Variants in SV2C observed in about 807,000 individuals in gnomAD.
The protein encoded by SV2C is solute carrier family 22 member B3.
Under a neutral mutation model 79.7 loss-of-function variants are expected in SV2C, and 49 were observed. The ratio of observed to expected loss-of-function variants is 0.61; its 90% CI spans 0.49 to 0.78. The LOEUF is 0.78. Among genes scored for constraint, SV2C ranks in the 30% least tolerant of loss-of-function variants. SV2C has a pLI of 0.00. For missense variants in SV2C, 833 were observed against 912.9 expected, an observed-to-expected ratio of 0.91 and a Z score of 1.13; for synonymous variants, 334 against 333.2, an observed-to-expected ratio of 1.00 and a Z score of -0.03.
At chr5:75,870,768 A>C in the SV2C span, among the ~76,000 whole-genome samples, 2 of 151,492 alleles carry the variant, frequency 1.3e-5, no homozygotes, top group Non-Finnish European at 3.0e-5. Context: ...AAAAGCATAA[A>C]GAGAACGGAA....
chr5:76,121,365 T>G (rs943126019), intron 1 of SV2C, among the ~76,000 whole-genome samples: 26 of 151,938 alleles, frequency 1.7e-4, no homozygotes, highest in South Asian at 4.2e-4. Flanking sequence ...AGAAGCTCTT[T>G]AGTTTAATTA....
the SV2C span, among the ~76,000 whole-genome samples, chr5:75,879,626 G>C: frequency 6.6e-6 from 1 of 152,210 alleles, no homozygotes; most frequent in Non-Finnish European, 1.5e-5. Context: ...CCAATCACAT[G>C]TCTGCTCTCA....
At chr5:76,343,145 AT>A (rs561561819) in intron 12 of SV2C, among the ~76,000 whole-genome samples, 10 of 152,188 alleles carry the variant, frequency 6.6e-5, no homozygotes, top group Non-Finnish European at 1.5e-4. Context: ...TCAGGAAGAC[AT>A]TCTCCTCACC....
At chr5:76,016,885 C>T in the SV2C span, among the ~76,000 whole-genome samples, 3 of 152,204 alleles carry the variant, frequency 2.0e-5, no homozygotes, top group South Asian at 4.1e-4. Context: ...AATCTCCTTT[C>T]CTTGCTCAGC....
intron 1 of SV2C, chr5:76,083,871 T>TGTG (rs1241051544): frequency 2.0e-5 from 3 of 152,318 alleles, no homozygotes; most frequent in Admixed American, 6.5e-5. Context: ...TTTTTGCTTG[T>TGTG]GTGGTTTGAC....
chr5:76,205,719 G>C (rs1276668785), intron 3 of SV2C, among the ~76,000 whole-genome samples: 1 of 152,150 alleles, frequency 6.6e-6, no homozygotes. Flanking sequence ...TTATATTATG[G>C]ACTTTTATAT....
intron 1 of SV2C, among the ~76,000 whole-genome samples, chr5:76,095,222 C>T (rs970899847): frequency 1.8e-4 from 28 of 152,142 alleles, no homozygotes; most frequent in Non-Finnish European, 3.7e-4. Flanking sequence ...TTCCCAGTTA[C>T]TCCACCCTCA....
At chr5:76,055,873 C>T in the SV2C span, among the ~76,000 whole-genome samples, 4 of 152,104 alleles carry the variant, frequency 2.6e-5, no homozygotes, top group Non-Finnish European at 2.9e-5. Flanking sequence ...GCTGAAGTTG[C>T]TTATCAGCTT....
At chr5:76,247,142 A>G (rs887096527) in intron 4 of SV2C, among the ~76,000 whole-genome samples, 1 of 152,238 alleles carries the variant, frequency 6.6e-6, no homozygotes, top group African/African-American at 2.4e-5. Context: ...CCTAATTGGT[A>G]AGACAGGGGC....
the SV2C span, among the ~76,000 whole-genome samples, chr5:75,979,195 T>C: frequency 2.6e-5 from 4 of 152,134 alleles, no homozygotes; most frequent in Admixed American, 2.6e-4. Flanking sequence ...GTTCTAAATA[T>C]ATATGCACCC....
At chr5:76,086,717 A>G (rs1747212739) in intron 1 of SV2C, among the ~76,000 whole-genome samples, 1 of 152,248 alleles carries the variant, frequency 6.6e-6, no homozygotes, top group South Asian at 2.1e-4. Flanking sequence ...CAGTTGAGCA[A>G]CCAGTGTAAA....
At chr5:75,932,231 C>T in the SV2C span, among the ~76,000 whole-genome samples, 1 of 152,170 alleles carries the variant, frequency 6.6e-6, no homozygotes, top group Non-Finnish European at 1.5e-5. Context: ...GTCCACTCAT[C>T]TTGGGAGTAT....
chr5:76,051,970 A>G, the SV2C span, among the ~76,000 whole-genome samples: 1 of 152,282 alleles, frequency 6.6e-6, no homozygotes, highest in Non-Finnish European at 1.5e-5. Context: ...TATTGTCTGC[A>G]AAGTAATAGA....
intron 1 of SV2C, among the ~76,000 whole-genome samples, chr5:76,116,417 G>A (rs191948828): frequency 1.3e-5 from 2 of 152,144 alleles, no homozygotes; most frequent in African/African-American, 2.4e-5. Context: ...TGAGTGATTG[G>A]ATCTTTTAAA....
the SV2C span, chr5:75,921,297 G>A: frequency 6.8e-7 from 1 of 1,467,546 alleles, no homozygotes; most frequent in Non-Finnish European, 9.5e-7. Flanking sequence ...TTGTCAAAAG[G>A]CTCCACGAGC....
intron 8 of SV2C, 34 bp from the exon 9 acceptor site, chr5:76,295,744 G>A (rs1368420696): frequency 6.3e-7 from 1 of 1,592,372 alleles, no homozygotes; most frequent in Admixed American, 1.9e-5. Context: ...GCATGCTAGT[G>A]CCTTTACAAA....
chr5:76,079,213 G>T (rs1198101567), upstream of SV2C: 1 of 327,354 alleles, frequency 3.1e-6, no homozygotes. Flanking sequence ...GGGCCATCAC[G>T]GGCAGCAGCA....
chr5:76,310,703 T>C (rs1217599524), intron 12 of SV2C, among the ~76,000 whole-genome samples: 1 of 152,064 alleles, frequency 6.6e-6, no homozygotes, highest in South Asian at 2.1e-4. Flanking sequence ...AGACCTGGAA[T>C]AGTTCAAGTC....
Position 76,132,109 on chromosome 5 carries a change from G to A in SV2C, c.359G>A (p.Arg120Gln), listed in dbSNP as rs769475653. 150 of 1,613,788 alleles carry A rather than the reference G, an allele frequency of 9.3e-5. No homozygotes were observed. The highest frequency in any genetic ancestry group is 5.5e-4 in the Admixed American group (33 of 59,994). The stretch of plus-strand genomic sequence containing the variant: ...CCCAAGGGCGATGAGTACAAGGACC[G>A]GCGGGAGCTGGAATCAGAAAGGAGA... Reference protein sequence around the residue: ...GQPKGDEYKDRRELESERRAD... With the variant: ...GQPKGDEYKDQRELESERRAD... Residue 120 changes from arginine (R) to glutamine (Q), a missense_variant, in exon 2 of 13, where the codon CGG (arginine) becomes CAG (glutamine). Physicochemically the swap from Arg to Gln is conservative, Grantham distance 43. Coordinates refer to ENST00000502798, the MANE Select transcript of SV2C (RefSeq NM_014979.4).
Sources: gnomAD v4.1 joint callset for allele counts (sites outside exome capture counted in the v4.1 genomes callset) on GRCh38, gnomAD v4.1.1 for gene constraint, MANE v1.5 for transcripts, NCBI Gene and HGNC (gene_info 2026-07-23, HGNC 2026-07-21) for gene names.